Variants in IMMP2L observed in about 807,000 individuals in gnomAD.
The protein encoded by IMMP2L is inner mitochondrial membrane peptidase subunit 2, also known as mitochondrial inner membrane protease subunit 2.
IMMP2L carries 18 observed loss-of-function variants against 19.3 expected under a neutral mutation model. That is an observed-to-expected ratio of 0.93 (90% CI 0.64 to 1.38). IMMP2L has a LOEUF of 1.38. Ranked by LOEUF, IMMP2L falls within the 40% of genes most tolerant of loss-of-function variation. IMMP2L has a pLI of 0.00. For missense variants in IMMP2L, 233 were observed against 218.2 expected (o/e 1.07, Z -0.43); for synonymous variants, 76 against 73.0 (o/e 1.04, Z -0.21).
chr7:111,017,145 G>T (rs1033187710), intron 3 of IMMP2L, among the ~76,000 whole-genome samples: 2 of 150,154 alleles, frequency 1.3e-5, no homozygotes, highest in Non-Finnish European at 2.9e-5. Context: ...AGGGCTCACT[G>T]CAGCCTCAAC....
At chr7:110,784,860 C>G (rs1299850604) in intron 5 of IMMP2L, among the ~76,000 whole-genome samples, 1 of 151,846 alleles carries the variant, frequency 6.6e-6, no homozygotes, top group African/African-American at 2.4e-5. Flanking sequence ...TTCTCTAGAG[C>G]TGCACTGTCC....
At chr7:111,032,979 G>T (rs1790982666) in intron 3 of IMMP2L, among the ~76,000 whole-genome samples, 1 of 152,034 alleles carries the variant, frequency 6.6e-6, no homozygotes. Context: ...AATTAGCTGG[G>T]CATGGTGGCA....
At chr7:111,530,794 A>C (rs1213950678) in intron 1 of IMMP2L, among the ~76,000 whole-genome samples, 1 of 152,062 alleles carries the variant, frequency 6.6e-6, no homozygotes, top group South Asian at 2.1e-4. Flanking sequence ...TTTCCTCAAA[A>C]CTTTGGAAAT....
chr7:111,310,071 C>T (rs1335885858), intron 3 of IMMP2L, among the ~76,000 whole-genome samples: 1 of 151,898 alleles, frequency 6.6e-6, no homozygotes, highest in Admixed American at 6.6e-5. Flanking sequence ...CCCAACTCTA[C>T]TAAAAATACA....
chr7:110,789,906 A>C (rs1800348608), intron 5 of IMMP2L, among the ~76,000 whole-genome samples: 1 of 151,600 alleles, frequency 6.6e-6, no homozygotes, highest in African/African-American at 2.4e-5. Context: ...TCTACTCATG[A>C]GTCACTTTGT....
chr7:110,693,808 A>G (rs1234386552), intron 5 of IMMP2L, among the ~76,000 whole-genome samples: 3 of 152,192 alleles, frequency 2.0e-5, no homozygotes, highest in African/African-American at 7.2e-5. Context: ...AAGCCCCTGG[A>G]ACTCTTGCAC....
chr7:111,160,372 T>C (rs1805119658), intron 3 of IMMP2L, among the ~76,000 whole-genome samples: 1 of 152,044 alleles, frequency 6.6e-6, no homozygotes, highest in East Asian at 1.9e-4. Context: ...TTATACATAT[T>C]AGAGTAGTCT....
intron 3 of IMMP2L, among the ~76,000 whole-genome samples, chr7:111,270,357 T>G (rs535780981): frequency 3.4e-4 from 52 of 152,174 alleles, no homozygotes; most frequent in Non-Finnish European, 1.0e-4. Context: ...GCTTTTCATT[T>G]TTTAATAATG....
At chr7:111,559,221 G>A (rs1384533574) in intron 1 of IMMP2L, among the ~76,000 whole-genome samples, 1 of 151,988 alleles carries the variant, frequency 6.6e-6, no homozygotes, top group African/African-American at 2.4e-5. Context: ...AGATGTCTGT[G>A]AACTTGTCTT....
chr7:110,993,951 T>C (rs1459425865), intron 3 of IMMP2L, among the ~76,000 whole-genome samples: 1 of 152,086 alleles, frequency 6.6e-6, no homozygotes, highest in Non-Finnish European at 1.5e-5. Context: ...CTCTCATGCC[T>C]GTCTTGTCTC....
At chr7:111,130,674 AC>A (rs1265764233) in intron 3 of IMMP2L, among the ~76,000 whole-genome samples, 1 of 152,094 alleles carries the variant, frequency 6.6e-6, no homozygotes. Flanking sequence ...CATTTGTGGT[AC>A]TAGACTCAAG....
At chr7:111,399,858 G>A (rs1373616405) in intron 3 of IMMP2L, among the ~76,000 whole-genome samples, 1 of 151,974 alleles carries the variant, frequency 6.6e-6, no homozygotes, top group African/African-American at 2.4e-5. Context: ...CATGCTACCA[G>A]CACTATAAAG....
At chr7:110,871,560 T>TCACA (rs1357905490) in intron 5 of IMMP2L, among the ~76,000 whole-genome samples, 3 of 152,086 alleles carry the variant, frequency 2.0e-5, no homozygotes, top group African/African-American at 7.2e-5. Context: ...TTGGAAGAGA[T>TCACA]CACAGGTTTT....
intron 3 of IMMP2L, chr7:111,411,526 A>G (rs1834427841): frequency 2.3e-6 from 1 of 426,348 alleles, no homozygotes; most frequent in Admixed American, 2.4e-5. Flanking sequence ...TCATTAGAAT[A>G]AAGTCCAGAG....
intron 4 of IMMP2L, among the ~76,000 whole-genome samples, chr7:110,952,217 G>A (rs1033012210): frequency 1.3e-5 from 2 of 152,096 alleles, no homozygotes; most frequent in South Asian, 4.1e-4. Flanking sequence ...TCACTACTTG[G>A]AGTTCATACC....
At chr7:111,320,923 A>C (rs1358309695) in intron 3 of IMMP2L, among the ~76,000 whole-genome samples, 1 of 152,068 alleles carries the variant, frequency 6.6e-6, no homozygotes, top group Non-Finnish European at 1.5e-5. Flanking sequence ...TTGTATCATA[A>C]TGACTAGAAT....
chr7:110,744,987 G>A (rs1237218171), intron 5 of IMMP2L, among the ~76,000 whole-genome samples: 1 of 152,064 alleles, frequency 6.6e-6, no homozygotes, highest in East Asian at 1.9e-4. Flanking sequence ...CCCAATGTAA[G>A]GAAGTTAAAA....
chr7:111,306,396 G>A (rs117828779), intron 3 of IMMP2L, among the ~76,000 whole-genome samples: 3,988 of 152,182 alleles, frequency 0.026, 72 homozygotes, highest in Non-Finnish European at 0.037. Flanking sequence ...GTCTATGAAT[G>A]TATGGGAACA....
intron 3 of IMMP2L, among the ~76,000 whole-genome samples, chr7:111,303,657 A>C (rs2130064400): frequency 6.6e-6 from 1 of 152,256 alleles, no homozygotes; most frequent in African/African-American, 2.4e-5. Flanking sequence ...GGCAAAAACA[A>C]GGCAATTTTT....
Sources: allele counts gnomAD v4.1 joint callset (sites outside exome capture counted in the v4.1 genomes callset), GRCh38; gene constraint gnomAD v4.1.1; transcripts MANE v1.5; gene names NCBI Gene and HGNC (gene_info 2026-07-23, HGNC 2026-07-21).